The following TNKS variants were observed in gnomAD, a reference collection of about 807,000 sequenced individuals.
TNKS encodes the protein poly [ADP-ribose] polymerase tankyrase-1.
Under a neutral mutation model 135.8 loss-of-function variants are expected in TNKS, and 72 were observed. The observed-to-expected ratio is 0.53, with a 90% CI of 0.44 to 0.64. The LOEUF is 0.64. TNKS is among the 30% of genes least tolerant of loss of function. The pLI, the probability that TNKS is intolerant of heterozygous loss-of-function variation, is 0.00. For missense variants in TNKS, 1,769 were observed against 1,674.0 expected (o/e 1.06, Z -0.99); for synonymous variants, 849 against 649.3 (o/e 1.31, Z -4.68).
chr8:9,563,421 T>C (rs1797412180), intron 1 of TNKS, among the ~76,000 whole-genome samples: 1 of 152,208 alleles, frequency 6.6e-6, no homozygotes, highest in African/African-American at 2.4e-5. Context: ...CTCTCATAGC[T>C]ACTCAGTTTT....
chr8:9,704,519 C>A (rs996049545), intron 5 of TNKS, 144 bp from the exon 6 acceptor site: 1 of 624,158 alleles, frequency 1.6e-6, no homozygotes, highest in African/African-American at 1.8e-5. Flanking sequence ...ATTATCTCTC[C>A]TTAAGTTATG....
chr8:9,760,038 C>A (rs930411854), intron 20 of TNKS, among the ~76,000 whole-genome samples: 1 of 150,854 alleles, frequency 6.6e-6, no homozygotes, highest in African/African-American at 2.4e-5. Flanking sequence ...GTTGAAGTTA[C>A]CACATAGATA....
chr8:9,770,556 G>C (rs1563224387), intron 26 of TNKS, among the ~76,000 whole-genome samples: 1 of 152,204 alleles, frequency 6.6e-6, no homozygotes, highest in East Asian at 1.9e-4. Context: ...CTAATGCCTT[G>C]TGCCACTTCG....
At chr8:9,571,698 C>T (rs10087012) in intron 1 of TNKS, among the ~76,000 whole-genome samples, 37,496 of 151,958 alleles carry the variant, frequency 0.25, 4,828 homozygotes, top group East Asian at 0.39. Context: ...ACCTCATGAT[C>T]CAAAAGTGCT....
At position 9,735,412 on chromosome 8, in the gene TNKS, C is replaced by G. The variant is rs779746426; in HGVS notation, c.2569C>G (p.Leu857Val). 21 of 1,613,970 alleles carry G rather than the reference C, an allele frequency of 1.3e-5. No homozygotes were observed. The highest frequency in any genetic ancestry group is 1.7e-5 in the Non-Finnish European group (20 of 1,180,006). ...TAACCTGGAAGTAGCTGAATATCTT[C>G]TAGAGCATGGAGCTGATGTTAATGC... ...YNNLEVAEYL[L>V]EHGADVNAQD... The change falls in exon 17 of 27, where the codon CTA becomes GTA. Residue 857 changes from leucine (L) to valine (V), a missense_variant. Physicochemically the swap from Leu to Val is conservative, Grantham distance 32. This residue lies in a region of TNKS where 722 missense variants were observed against 688.9 expected (regional missense o/e 1.05). Transcript: ENST00000310430.
chr8:9,639,908 A>G (rs1457408833), intron 3 of TNKS, among the ~76,000 whole-genome samples: 1 of 152,186 alleles, frequency 6.6e-6, no homozygotes, highest in East Asian at 1.9e-4. Flanking sequence ...TTATGTTCCA[A>G]AAGACTAATC....
rs1359771354 is a variant in TNKS, at chr8:9,555,957, C to T, written c.18C>T (p.Arg6=). 3 of 1,612,616 alleles carry T rather than the reference C, an allele frequency of 1.9e-6. No homozygotes were observed. The highest frequency in any genetic ancestry group is 2.5e-6 in the Non-Finnish European group (3 of 1,179,628). Residue 6 remains arginine (R), a synonymous_variant, in exon 1 of 27, where the codon CGC becomes CGT. Transcript: ENST00000310430. MAASR[R]SQHHHHHHQQ... is the part of the protein sequence containing the mutation. ...GTCCGAAGATGGCGGCGTCGCGTCG[C>T]TCTCAGCATCATCACCACCATCATC...
chr8:9,567,182 G>T (rs1038535600), intron 1 of TNKS, among the ~76,000 whole-genome samples: 17 of 152,168 alleles, frequency 1.1e-4, no homozygotes, highest in Non-Finnish European at 2.1e-4. Flanking sequence ...CCACCCCAAG[G>T]GAGCTACTAG....
intron 19 of TNKS, 106 bp downstream of exon 19, chr8:9,751,952 T>C (rs1263684478): frequency 2.0e-6 from 2 of 993,466 alleles, no homozygotes; most frequent in African/African-American, 3.2e-5. Flanking sequence ...AGACGTCCTG[T>C]CTGTAAATTT....
chr8:9,569,300 C>T (rs953681457), intron 1 of TNKS, among the ~76,000 whole-genome samples: 2 of 152,118 alleles, frequency 1.3e-5, no homozygotes, highest in Non-Finnish European at 2.9e-5. Context: ...ATAAGTGTAC[C>T]GGGAGGTGAA....
intron 2 of TNKS, among the ~76,000 whole-genome samples, chr8:9,608,341 G>C (rs1244555388): frequency 1.3e-5 from 2 of 152,036 alleles, no homozygotes; most frequent in African/African-American, 2.4e-5. Flanking sequence ...AAATAGTTTT[G>C]ACTTTGTAGA....
At chr8:9,689,685 G>C (rs1410763362) in intron 5 of TNKS, among the ~76,000 whole-genome samples, 1 of 152,140 alleles carries the variant, frequency 6.6e-6, no homozygotes, top group Non-Finnish European at 1.5e-5. Context: ...ATTCATTATA[G>C]AAATGCAGAA....
At position 9,698,825 on chromosome 8, in the gene TNKS, A is replaced by G. The variant is rs1307728201; in HGVS notation, c.1108-5838A>G. 5.3e-5 allele frequency among the ~76,000 whole-genome samples: 8 copies of G among 152,358 alleles called. No individual in the cohort carries two copies. In the East Asian group the frequency reaches 1.5e-3, roughly 29 times the overall value. On this transcript the variant is annotated intron_variant, in intron 5 of 26. Coordinates refer to ENST00000310430, the MANE Select transcript of TNKS (RefSeq NM_003747.3). ...TCTATATGAGAAAAGGCAAAGATAG[A>G]CAAATGCAAGTTTGTTTTTTCTTAT...
intron 26 of TNKS, 70 bp downstream of exon 26, chr8:9,770,332 A>C: frequency 6.9e-7 from 1 of 1,458,864 alleles, no homozygotes; most frequent in South Asian, 1.3e-5. Context: ...ACCGTGTAAG[A>C]CTTGAGACAC....
intron 11 of TNKS, among the ~76,000 whole-genome samples, chr8:9,719,929 G>A (rs1038591835): frequency 6.6e-6 from 1 of 152,098 alleles, no homozygotes; most frequent in Admixed American, 6.6e-5. Flanking sequence ...AATTAGAAAA[G>A]AAATATAATC....
chr8:9,724,608 A>G (rs1467440055), intron 12 of TNKS, among the ~76,000 whole-genome samples: 3 of 152,144 alleles, frequency 2.0e-5, no homozygotes, highest in Non-Finnish European at 4.4e-5. Flanking sequence ...GGCTGTATGT[A>G]AGTCATTTCA....
At chr8:9,614,565 G>A (rs1043564967) in intron 2 of TNKS, among the ~76,000 whole-genome samples, 1 of 152,180 alleles carries the variant, frequency 6.6e-6, no homozygotes, top group Admixed American at 6.5e-5. Flanking sequence ...TAATGTGTGA[G>A]TATTACCTTC....
At chr8:9,576,551 A>C (rs908946504) in intron 1 of TNKS, among the ~76,000 whole-genome samples, 16 of 150,492 alleles carry the variant, frequency 1.1e-4, no homozygotes, top group Non-Finnish European at 1.5e-4. Flanking sequence ...GCTCACTGCA[A>C]GCTCCACCTC....
At chr8:9,727,263 T>A (rs1219172893) in intron 13 of TNKS, among the ~76,000 whole-genome samples, 1 of 152,204 alleles carries the variant, frequency 6.6e-6, no homozygotes, top group African/African-American at 2.4e-5. Context: ...ATTTTATCAG[T>A]CTGTATTTGT....
Sources: gnomAD v4.1 joint callset for allele counts (sites outside exome capture counted in the v4.1 genomes callset) on GRCh38, gnomAD v4.1.1 for gene constraint, gnomAD v4.1.1 regional missense constraint, MANE v1.5 for transcripts, NCBI Gene and HGNC (gene_info 2026-07-23, HGNC 2026-07-21) for gene names.